Variants in TBK1 observed in about 807,000 individuals in gnomAD.
TBK1 encodes the protein TANK binding kinase 1.
TBK1 carries 37 observed loss-of-function variants against 99.9 expected under a neutral mutation model. That is an observed-to-expected ratio of 0.37 (90% confidence interval 0.28 to 0.49). The LOEUF is 0.49. Among genes scored for constraint, TBK1 ranks in the 20% least tolerant of loss-of-function variants. The pLI is 0.98. For missense variants in TBK1, 644 were observed against 872.5 expected, an observed-to-expected ratio of 0.74 and a Z score of 3.30; for synonymous variants, 258 against 279.8, an observed-to-expected ratio of 0.92 and a Z score of 0.78.
chr12:64,452,727 A>G (rs2040441313), intron 1 of TBK1: 1 of 152,258 alleles, frequency 6.6e-6, no homozygotes, highest in South Asian at 2.1e-4. Context: ...ACCGGAAATT[A>G]GAAGCATAAG....
intron 1 of TBK1, among the ~76,000 whole-genome samples, chr12:64,454,209 A>G (rs2040459801): frequency 6.6e-6 from 1 of 152,202 alleles, no homozygotes; most frequent in Non-Finnish European, 1.5e-5. Flanking sequence ...TCTCATCAAC[A>G]AAGACAAAAT....
intron 4 of TBK1, 148 bp downstream of exon 4, chr12:64,464,611 T>C: frequency 1.7e-6 from 1 of 604,332 alleles, no homozygotes; most frequent in Non-Finnish European, 2.5e-6. Flanking sequence ...AATACATAAA[T>C]TGGATTTCAT....
At chr12:64,475,139 A>G (rs1481896893) in intron 6 of TBK1, among the ~76,000 whole-genome samples, 1 of 152,192 alleles carries the variant, frequency 6.6e-6, no homozygotes, top group Non-Finnish European at 1.5e-5. Context: ...ATGAAAGAAA[A>G]TTAAAAATAA....
intron 15 of TBK1, among the ~76,000 whole-genome samples, 191 bp from the exon 16 acceptor site, chr12:64,496,176 A>G (rs2040923147): frequency 6.6e-6 from 1 of 152,150 alleles, no homozygotes. Context: ...TTAACTGTTA[A>G]TTGTTTTTTA....
chr12:64,485,604 A>G, intron 10 of TBK1, 91 bp downstream of exon 10: 1 of 625,302 alleles, frequency 1.6e-6, no homozygotes, highest in Non-Finnish European at 2.7e-6. Flanking sequence ...GTCTTCATGT[A>G]TGTCTATATG....
chr12:64,457,423 A>G (rs950442776), intron 2 of TBK1, among the ~76,000 whole-genome samples: 7 of 152,208 alleles, frequency 4.6e-5, no homozygotes, highest in Non-Finnish European at 1.0e-4. Context: ...GGAGAAAATG[A>G]CTAGTGCCTC....
chr12:64,464,581 C>T (rs2040583530), intron 4 of TBK1, 118 bp downstream of exon 4: 3 of 741,862 alleles, frequency 4.0e-6, no homozygotes, highest in Non-Finnish European at 3.8e-6. Context: ...AGATATGACA[C>T]CAAAAGCACA....
chr12:64,485,793 T>A (rs984147438), intron 10 of TBK1, 133 bp from the exon 11 acceptor site: 5 of 543,482 alleles, frequency 9.2e-6, no homozygotes, highest in Non-Finnish European at 1.6e-5. Flanking sequence ...TTTTTAACTC[T>A]TAGAAATTGG....
intron 8 of TBK1, among the ~76,000 whole-genome samples, chr12:64,482,949 A>C (rs1308823429): frequency 6.6e-6 from 1 of 152,202 alleles, no homozygotes; most frequent in Non-Finnish European, 1.5e-5. Context: ...TATCAATGTT[A>C]ATAGCTGGTT....
chr12:64,500,898 A>C (rs953728363), intron 20 of TBK1, among the ~76,000 whole-genome samples: 1 of 151,684 alleles, frequency 6.6e-6, no homozygotes, highest in African/African-American at 2.4e-5. Flanking sequence ...AGCTGGGACT[A>C]TAGGCACACG....
chr12:64,496,140 G>T (rs559394178), intron 15 of TBK1, among the ~76,000 whole-genome samples: 3 of 152,042 alleles, frequency 2.0e-5, no homozygotes, highest in Non-Finnish European at 2.9e-5. Flanking sequence ...TACAGAATTT[G>T]TTAGAAATAC....
At chr12:64,484,646 G>A (rs1451901232) in intron 9 of TBK1, 147 bp downstream of exon 9, 5 of 711,186 alleles carry the variant, frequency 7.0e-6, no homozygotes, top group South Asian at 2.2e-5. Context: ...CAGCTGCATG[G>A]GAGGCTGAGG....
At chr12:64,492,590 G>A (rs2040880452) in intron 13 of TBK1, among the ~76,000 whole-genome samples, 1 of 152,202 alleles carries the variant, frequency 6.6e-6, no homozygotes, top group African/African-American at 2.4e-5. Context: ...ACAGGCATGA[G>A]CCACCTTGCC....
intron 5 of TBK1, among the ~76,000 whole-genome samples, chr12:64,467,411 A>T (rs1466365829): frequency 6.6e-6 from 1 of 152,136 alleles, no homozygotes; most frequent in Non-Finnish European, 1.5e-5. Flanking sequence ...TATATTCATT[A>T]TATTTATGAA....
chr12:64,495,872 C>CT (rs2040920397), intron 15 of TBK1, 97 bp downstream of exon 15: 2 of 851,602 alleles, frequency 2.3e-6, no homozygotes, highest in Non-Finnish European at 3.3e-6. Flanking sequence ...AGGGTAGCTT[C>CT]TTAAGCTGTT....
rs767902340 is a variant in TBK1, at chr12:64,466,989, A to G, written c.447A>G (p.Gly149=). The G allele has an allele frequency of 9.9e-6, 16 of 1,612,930 alleles. No homozygotes were observed. Among genetic ancestry groups the G allele is most frequent in the Non-Finnish European group, 1.2e-5 (14 of 1,179,472 alleles). ...GNIMRVIGED[G]QSVYKLTDFG... is the part of the protein sequence containing the mutation. ...TCATGCGTGTTATAGGGGAAGATGGACAGTCTGTGTACAAACTCACAGATT... is the reference window on the plus strand; with the variant it reads ...TCATGCGTGTTATAGGGGAAGATGGGCAGTCTGTGTACAAACTCACAGATT... Residue 149 remains glycine, a synonymous_variant, in exon 5 of 21, where the codon GGA becomes GGG. Coordinates refer to ENST00000331710, the MANE Select transcript of TBK1 (RefSeq NM_013254.4).
chr12:64,468,512 C>G (rs905435435), intron 5 of TBK1, among the ~76,000 whole-genome samples: 1 of 151,548 alleles, frequency 6.6e-6, no homozygotes, highest in Non-Finnish European at 1.5e-5. Context: ...AAAAAAGTAC[C>G]TAAAAATGGA....
At chr12:64,491,252 T>C (rs2040866662) in intron 13 of TBK1, among the ~76,000 whole-genome samples, 1 of 152,180 alleles carries the variant, frequency 6.6e-6, no homozygotes, top group African/African-American at 2.4e-5. Flanking sequence ...TTGGTTTCTT[T>C]TTCTCTAAAA....
At chr12:64,482,601 A>C (rs1344504943) in intron 8 of TBK1, among the ~76,000 whole-genome samples, 2 of 152,124 alleles carry the variant, frequency 1.3e-5, no homozygotes, top group East Asian at 3.8e-4. Flanking sequence ...TATATACAAC[A>C]CTGGTTCCGT....
Sources: gnomAD v4.1 joint callset for allele counts (sites outside exome capture counted in the v4.1 genomes callset) on GRCh38, gnomAD v4.1.1 for gene constraint, MANE v1.5 for transcripts, NCBI Gene and HGNC (gene_info 2026-07-23, HGNC 2026-07-21) for gene names.